GABRG3: variants seen among roughly 807,000 people sequenced by gnomAD.
The protein encoded by GABRG3 is gamma-aminobutyric acid receptor subunit gamma-3.
A neutral mutation model predicts 48.8 loss-of-function variants in GABRG3; 25 were observed. The ratio of observed to expected loss-of-function variants is 0.51; its 90% CI spans 0.37 to 0.72. The LOEUF (loss-of-function observed/expected upper bound fraction) is 0.72. Ranked by LOEUF, GABRG3 falls within the 30% of genes least tolerant of loss-of-function variation. The probability of loss-of-function intolerance (pLI) is 0.00; values close to 1 mark genes in which losing one functional copy is unlikely to be tolerated. For synonymous variants in GABRG3, 227 were observed against 217.6 expected (o/e 1.04, Z -0.38); for missense variants, 394 against 577.9 (o/e 0.68, Z 3.26).
chr15:26,993,923 C>T (rs1036405929), intron 2 of GABRG3, among the ~76,000 whole-genome samples: 1 of 151,786 alleles, frequency 6.6e-6, no homozygotes, highest in African/African-American at 2.4e-5. Flanking sequence ...TTATTATATC[C>T]TCTTGCCGAA....
rs1205065709 is a variant in GABRG3 at position 27,533,713 on chromosome 15, CTTATG to C, written c.*837_*841del. The C allele has an allele frequency of 1.3e-5, 2 of 152,060 alleles. No individual in the cohort carries two copies. Among genetic ancestry groups the C allele is most frequent in the African/African-American group, 4.8e-5 (2 of 41,386 alleles). The allele number at this position is 152,060 out of a possible 1,614,324, so 9.4% of individuals were successfully genotyped here. On this transcript the variant is annotated 3_prime_UTR_variant, in exon 10 of 10. Transcript: ENST00000615808. ...GCTCAACCCTCGAGTATGTGTCCAG[CTTATG>C]TTATATTATTATGGGTTCGGTAATT...
At chr15:27,402,969 G>A (rs1887517962) in intron 5 of GABRG3, among the ~76,000 whole-genome samples, 1 of 151,946 alleles carries the variant, frequency 6.6e-6, no homozygotes, top group African/African-American at 2.4e-5. Context: ...ATCATCCTGG[G>A]GTCTTGTGGT....
At chr15:27,525,032 A>C (rs1158556105) in intron 7 of GABRG3, among the ~76,000 whole-genome samples, 9 of 152,200 alleles carry the variant, frequency 5.9e-5, no homozygotes, top group Non-Finnish European at 8.8e-5. Context: ...AATCACCAGG[A>C]ACTGGAAAGA....
intron 5 of GABRG3, among the ~76,000 whole-genome samples, chr15:27,343,781 G>A (rs1894271703): frequency 1.3e-5 from 2 of 152,154 alleles, no homozygotes; most frequent in African/African-American, 4.8e-5. Flanking sequence ...ATTTAAAAAA[G>A]GCATAGTTGA....
At chr15:27,075,920 C>T (rs1302555744) in intron 3 of GABRG3, among the ~76,000 whole-genome samples, 1 of 152,164 alleles carries the variant, frequency 6.6e-6, no homozygotes, top group African/African-American at 2.4e-5. Flanking sequence ...TCTGTTCTAC[C>T]ATGTGCTGGT....
At chr15:27,242,338 C>T (rs1422322900) in intron 3 of GABRG3, among the ~76,000 whole-genome samples, 1 of 152,150 alleles carries the variant, frequency 6.6e-6, no homozygotes, top group African/African-American at 2.4e-5. Flanking sequence ...CTCTACCATG[C>T]TGTGACATTA....
At chr15:27,218,151 C>T (rs1186597878) in intron 3 of GABRG3, among the ~76,000 whole-genome samples, 1 of 152,092 alleles carries the variant, frequency 6.6e-6, no homozygotes, top group Non-Finnish European at 1.5e-5. Flanking sequence ...CTGGGACTAC[C>T]TACAGATGTG....
intron 3 of GABRG3, among the ~76,000 whole-genome samples, chr15:27,308,495 T>C (rs1469390482): frequency 6.8e-6 from 1 of 148,130 alleles, no homozygotes; most frequent in East Asian, 2.1e-4. Context: ...TAAACATACA[T>C]GTTTTATATA....
chr15:27,007,345 T>G (rs1156744055), intron 2 of GABRG3, among the ~76,000 whole-genome samples: 1 of 152,162 alleles, frequency 6.6e-6, no homozygotes, highest in Non-Finnish European at 1.5e-5. Flanking sequence ...CTCAAAGTAT[T>G]GGGATTATAG....
At chr15:27,454,574 G>A (rs553205652) in intron 5 of GABRG3, among the ~76,000 whole-genome samples, 4 of 152,246 alleles carry the variant, frequency 2.6e-5, no homozygotes, top group African/African-American at 7.2e-5. Flanking sequence ...CCATCCTGAC[G>A]CCCAGTGCTG....
At chr15:27,194,914 G>A (rs756938169) in intron 3 of GABRG3, among the ~76,000 whole-genome samples, 19 of 151,972 alleles carry the variant, frequency 1.3e-4, no homozygotes, top group Middle Eastern at 3.4e-3. Context: ...TGAAATTGTC[G>A]TACTAGTTCC....
chr15:27,007,254 T>C (rs1357865666), intron 2 of GABRG3, among the ~76,000 whole-genome samples: 1 of 151,936 alleles, frequency 6.6e-6, no homozygotes, highest in Non-Finnish European at 1.5e-5. Flanking sequence ...TAATTTTTCA[T>C]ATTTTTAGTA....
rs1595553716 is a variant in GABRG3 at position 27,151,652 on chromosome 15, GGA to G, written c.270+124835_270+124836del. ...TCTTTATCAGGGAAAGAGAGTAAAG[GGA>G]GAGTCAGAAAAATAAATGTGAAAAG... On this transcript the variant is annotated intron_variant, in intron 3 of 9. Coordinates refer to ENST00000615808, the MANE Select transcript of GABRG3 (RefSeq NM_033223.5). 2.0e-5 allele frequency among the ~76,000 whole-genome samples: 3 copies of G among 152,070 alleles called. No homozygotes were observed. The South Asian group carries it at 6.2e-4, about 32-fold the overall frequency.
At chr15:27,304,440 G>T (rs74005145) in intron 3 of GABRG3, among the ~76,000 whole-genome samples, 7,652 of 151,914 alleles carry the variant, frequency 0.05, 584 homozygotes, top group African/African-American at 0.17. Flanking sequence ...TTATAGTTGT[G>T]AAGGTCATAA....
At chr15:27,000,793 C>T (rs1344503550) in intron 2 of GABRG3, among the ~76,000 whole-genome samples, 2 of 152,166 alleles carry the variant, frequency 1.3e-5, no homozygotes, top group Non-Finnish European at 1.5e-5. Flanking sequence ...AACCATTAAA[C>T]GTTTAACCAT....
At chr15:27,123,869 C>G (rs76682737) in intron 3 of GABRG3, among the ~76,000 whole-genome samples, 206 of 152,272 alleles carry the variant, frequency 1.4e-3, no homozygotes, top group East Asian at 0.012. Flanking sequence ...GGAGGCACAG[C>G]AGTCCCTGAG....
intron 5 of GABRG3, among the ~76,000 whole-genome samples, chr15:27,414,229 A>G (rs3924706): frequency 0.064 from 9,693 of 152,228 alleles, 725 homozygotes; most frequent in East Asian, 0.29. Context: ...AGTTCATGTT[A>G]TCTTTCTGGT....
At chr15:27,027,702 C>G (rs1375995848) in intron 3 of GABRG3, among the ~76,000 whole-genome samples, 1 of 152,158 alleles carries the variant, frequency 6.6e-6, no homozygotes, top group Admixed American at 6.5e-5. Context: ...TAAAAAATCT[C>G]CATATCATCC....
rs1384464585 is a variant in GABRG3 at position 27,109,837 on chromosome 15, G to GC, written c.270+83017dup. On this transcript the variant is annotated intron_variant, in intron 3 of 9. Coordinates refer to ENST00000615808, the MANE Select transcript of GABRG3 (RefSeq NM_033223.5). ...AGGGAGGTTGTAGTGAGTGGAGATC[G>GC]CGCCACTGCACTCTAGCCTGGGCGA... Among the ~76,000 whole-genome samples, 7 of 152,082 alleles carry GC rather than the reference G, an allele frequency of 4.6e-5. No homozygotes were observed. In the South Asian group the frequency reaches 1.5e-3, roughly 32 times the overall value.
Sources: allele counts gnomAD v4.1 joint callset (sites outside exome capture counted in the v4.1 genomes callset), GRCh38; gene constraint gnomAD v4.1.1; transcripts MANE v1.5; gene names NCBI Gene and HGNC (gene_info 2026-07-23, HGNC 2026-07-21).